Variants in OSBPL1A observed in about 807,000 individuals in gnomAD.
The protein encoded by OSBPL1A is oxysterol binding protein like 1A.
In OSBPL1A, 80 loss-of-function variants were observed where a neutral mutation model predicts 137.1. That is an observed-to-expected ratio of 0.58 (90% CI 0.49 to 0.70). OSBPL1A has a LOEUF of 0.70. OSBPL1A is among the 30% of genes least tolerant of loss of function. OSBPL1A has a pLI of 0.00. For synonymous variants in OSBPL1A, 365 were observed against 389.7 expected (o/e 0.94, Z 0.75); for missense variants, 970 against 1,129.4 (o/e 0.86, Z 2.02).
intron 18 of OSBPL1A, among the ~76,000 whole-genome samples, chr18:24,185,126 T>TA (rs1267113684): frequency 6.6e-6 from 1 of 152,022 alleles, no homozygotes; most frequent in Non-Finnish European, 1.5e-5. Context: ...ATGGAGACAG[T>TA]AAAAAGGTCA....
chr18:24,333,324 A>ACT (rs559520962), intron 6 of OSBPL1A, among the ~76,000 whole-genome samples: 6 of 152,190 alleles, frequency 3.9e-5, no homozygotes, highest in Non-Finnish European at 8.8e-5. Context: ...GACAAGAGAC[A>ACT]CTCTGCACTG....
At chr18:24,268,525 A>AT (rs67553198) in intron 15 of OSBPL1A, among the ~76,000 whole-genome samples, 54,939 of 150,586 alleles carry the variant, frequency 0.36, 10,546 homozygotes, top group Non-Finnish European at 0.43. Context: ...CATGTACCCC[A>AT]TTTTTTTTTG....
At chr18:24,342,737 T>C (rs944179016) in intron 4 of OSBPL1A, among the ~76,000 whole-genome samples, 1 of 152,176 alleles carries the variant, frequency 6.6e-6, no homozygotes, top group Non-Finnish European at 1.5e-5. Flanking sequence ...GCATATTTCT[T>C]ACTAATCAAT....
chr18:24,256,380 A>G (rs1013674936), intron 15 of OSBPL1A, among the ~76,000 whole-genome samples: 1 of 152,240 alleles, frequency 6.6e-6, no homozygotes, highest in African/African-American at 2.4e-5. Context: ...CCATATGACC[A>G]TTTCAACTGA....
Position 24,332,944 on chromosome 18 carries a change from T to G in OSBPL1A, c.623A>C (p.Asn208Thr). ...ATGGTTTTCACCAATATGCTTACCA[T>G]TTTTGTTCTTCAGATTAGGGTCTGC... ...SGADPNLKNK[N>T]DQKPLDLAQG... Residue 208 changes from asparagine to threonine, a missense_variant and splice_region_variant, in exon 7 of 28, where the codon AAT becomes ACT. This residue lies in a region of OSBPL1A where 647 missense variants were observed against 672.6 expected (regional missense o/e 0.96). Coordinates refer to ENST00000319481, the MANE Select transcript of OSBPL1A (RefSeq NM_080597.4). 6.2e-7 allele frequency: 1 copy of G among 1,613,710 alleles called. No individual in the cohort carries two copies. The highest frequency in any genetic ancestry group is 8.5e-7 in the Non-Finnish European group (1 of 1,179,840).
intron 17 of OSBPL1A, among the ~76,000 whole-genome samples, chr18:24,208,545 A>G (rs1399483965): frequency 6.6e-6 from 1 of 152,238 alleles, no homozygotes; most frequent in Non-Finnish European, 1.5e-5. Context: ...TTGAAAGGCT[A>G]AAAGTTCCTA....
chr18:24,172,138 A>G (rs561179656), intron 22 of OSBPL1A, among the ~76,000 whole-genome samples: 2 of 151,870 alleles, frequency 1.3e-5, no homozygotes, highest in African/African-American at 4.8e-5. Context: ...ACGGGGTTTC[A>G]CCATCTTGGC....
chr18:24,308,958 A>G (rs1239945871), intron 13 of OSBPL1A, among the ~76,000 whole-genome samples: 1 of 152,084 alleles, frequency 6.6e-6, no homozygotes, highest in Admixed American at 6.6e-5. Context: ...TTTAGCAGAG[A>G]CCAAGTTTCA....
In OSBPL1A at chr18:24,386,573, C is replaced by T. The variant is rs79712167; in HGVS notation, c.-2-9038G>A. ...GCTAACAAGCATTTTCACTGCTTTT[C>T]CCTTATAATCTTTTATAACTTTAGA... On this transcript the variant is annotated intron_variant, in intron 1 of 27. Coordinates refer to ENST00000319481, the MANE Select transcript of OSBPL1A (RefSeq NM_080597.4). Among the ~76,000 whole-genome samples the T allele has an allele frequency of 9.1e-3, 1,387 of 152,288 alleles. 18 individuals are homozygous for T. Among genetic ancestry groups the T allele is most frequent in the African/African-American group, 0.032 (1,314 of 41,544 alleles).
intron 15 of OSBPL1A, among the ~76,000 whole-genome samples, chr18:24,258,336 T>G (rs1476513178): frequency 3.9e-5 from 6 of 152,188 alleles, no homozygotes; most frequent in Admixed American, 6.5e-5. Context: ...TGGAACTGGA[T>G]GTTGTCATTA....
intron 14 of OSBPL1A, among the ~76,000 whole-genome samples, chr18:24,294,888 GTC>G (rs2090261445): frequency 6.6e-6 from 1 of 152,192 alleles, no homozygotes; most frequent in African/African-American, 2.4e-5. Flanking sequence ...ATGTGCATGT[GTC>G]TTTTTCATAT....
In OSBPL1A at chr18:24,225,187, CG is replaced by C. The variant is rs770123171; in HGVS notation, c.1455del (p.Glu486LysfsTer4). ...EFYDALSDSE[S>X]ERSLSRLEAV... ...GCTTCCAATCTACTCAGGGACCTTT[CG>C]GACTCGGAATCTGTGGCAGAGCAGG... On this transcript the variant is annotated frameshift_variant, in exon 17 of 28. Coordinates refer to ENST00000319481, the MANE Select transcript of OSBPL1A (RefSeq NM_080597.4). LOFTEE classifies it high-confidence loss of function. 1 of 1,614,048 alleles carries C rather than the reference CG, an allele frequency of 6.2e-7. No individual in the cohort carries two copies. The highest frequency in any genetic ancestry group is 8.5e-7 in the Non-Finnish European group (1 of 1,179,948).
intron 15 of OSBPL1A, among the ~76,000 whole-genome samples, chr18:24,253,566 A>G (rs2089178600): frequency 6.6e-6 from 1 of 152,208 alleles, no homozygotes; most frequent in Non-Finnish European, 1.5e-5. Context: ...TATTACTCAA[A>G]TCAGTCTCTC....
At chr18:24,360,408 A>G (rs982567621) in intron 4 of OSBPL1A, among the ~76,000 whole-genome samples, 3 of 152,224 alleles carry the variant, frequency 2.0e-5, no homozygotes. Context: ...TTCATGGTAA[A>G]TGATCACATA....
intron 1 of OSBPL1A, among the ~76,000 whole-genome samples, chr18:24,383,383 G>A (rs1906742383): frequency 6.6e-6 from 1 of 152,088 alleles, no homozygotes; most frequent in Non-Finnish European, 1.5e-5. Flanking sequence ...ATTTTCCTTG[G>A]ATTCTTACTA....
At chr18:24,272,395 A>G (rs2089746498) in intron 15 of OSBPL1A, among the ~76,000 whole-genome samples, 1 of 152,120 alleles carries the variant, frequency 6.6e-6, no homozygotes, top group Non-Finnish European at 1.5e-5. Flanking sequence ...ACTGAAAGGC[A>G]GTCTTCACAT....
intron 18 of OSBPL1A, 84 bp downstream of exon 18, chr18:24,196,041 T>G: frequency 1.8e-6 from 2 of 1,120,412 alleles, no homozygotes; most frequent in Non-Finnish European, 2.6e-6. Flanking sequence ...TGCACCACTT[T>G]AATGCAAACT....
chr18:24,258,915 A>T (rs1439100521), intron 15 of OSBPL1A, among the ~76,000 whole-genome samples: 2 of 150,258 alleles, frequency 1.3e-5, no homozygotes, highest in South Asian at 2.1e-4. Context: ...GTCTATTTTT[A>T]AAATTACATC....
intron 15 of OSBPL1A, among the ~76,000 whole-genome samples, chr18:24,246,330 G>A (rs1351116983): frequency 1.3e-5 from 2 of 152,236 alleles, no homozygotes; most frequent in African/African-American, 4.8e-5. Context: ...AATGAGTAAG[G>A]GATGTGCACA....
Sources: allele counts gnomAD v4.1 joint callset (sites outside exome capture counted in the v4.1 genomes callset), GRCh38; gene constraint gnomAD v4.1.1; regional missense constraint gnomAD v4.1.1; transcripts MANE v1.5; gene names NCBI Gene and HGNC (gene_info 2026-07-23, HGNC 2026-07-21).